The following GNAQ variants were observed in gnomAD, a reference collection of about 807,000 sequenced individuals.
GNAQ encodes the protein guanine nucleotide-binding protein G(q) subunit alpha.
A neutral mutation model predicts 43.9 loss-of-function variants in GNAQ; 8 were observed. The observed-to-expected ratio is 0.18, with a 90% confidence interval of 0.11 to 0.33. The LOEUF (loss-of-function observed/expected upper bound fraction) is 0.33. Ranked by LOEUF, GNAQ falls within the 10% of genes least tolerant of loss-of-function variation. The pLI is 1.00. For synonymous variants in GNAQ, 155 were observed against 170.7 expected, an observed-to-expected ratio of 0.91 and a Z score of 0.71; for missense variants, 158 against 450.8, an observed-to-expected ratio of 0.35 and a Z score of 5.88.
At chr9:77,794,229 A>G (rs1811453935) in intron 5 of GNAQ, among the ~76,000 whole-genome samples, 1 of 152,194 alleles carries the variant, frequency 6.6e-6, no homozygotes, top group African/African-American at 2.4e-5. Context: ...GAACCTCTGC[A>G]TAGTGTTAAA....
chr9:77,972,922 C>T (rs924850171), intron 1 of GNAQ, among the ~76,000 whole-genome samples: 3 of 144,762 alleles, frequency 2.1e-5, no homozygotes, highest in African/African-American at 5.1e-5. Context: ...CATTGTACTC[C>T]AGCCTGGGTG....
intron 3 of GNAQ, among the ~76,000 whole-genome samples, chr9:77,804,856 A>T (rs1046756524): frequency 2.3e-4 from 35 of 152,286 alleles, no homozygotes; most frequent in Non-Finnish European, 5.9e-5. Flanking sequence ...ATTGAAAAGA[A>T]GGTTAGAAAA....
At chr9:78,028,796 C>A (rs1824013658) in intron 1 of GNAQ, among the ~76,000 whole-genome samples, 1 of 152,116 alleles carries the variant, frequency 6.6e-6, no homozygotes, top group African/African-American at 2.4e-5. Context: ...TTGTTGAAAT[C>A]AACCGTCCTG....
chr9:77,910,275 C>T (rs900244908), intron 2 of GNAQ, among the ~76,000 whole-genome samples: 2 of 152,206 alleles, frequency 1.3e-5, no homozygotes, highest in African/African-American at 4.8e-5. Flanking sequence ...TATCCTCCCT[C>T]GACCTCCATT....
chr9:77,796,390 G>A (rs982375086), intron 4 of GNAQ, among the ~76,000 whole-genome samples: 2 of 152,112 alleles, frequency 1.3e-5, no homozygotes, highest in Non-Finnish European at 2.9e-5. Flanking sequence ...TCAATGGGGT[G>A]GGCGCTCCTA....
intron 1 of GNAQ, among the ~76,000 whole-genome samples, chr9:77,939,133 A>C (rs11145622): frequency 6.6e-6 from 1 of 152,112 alleles, no homozygotes; most frequent in Non-Finnish European, 1.5e-5. Context: ...CTGTTCTCCT[A>C]TATCAGGTGT....
chr9:77,847,081 C>A (rs1274334013), intron 2 of GNAQ, among the ~76,000 whole-genome samples: 1 of 152,136 alleles, frequency 6.6e-6, no homozygotes, highest in African/African-American at 2.4e-5. Flanking sequence ...AAGGTGTTTG[C>A]CTTACTAGGA....
At chr9:77,957,448 A>G (rs1376890784) in intron 1 of GNAQ, among the ~76,000 whole-genome samples, 1 of 152,168 alleles carries the variant, frequency 6.6e-6, no homozygotes, top group African/African-American at 2.4e-5. Flanking sequence ...GCTTGCCCCT[A>G]TCCCTGGAGG....
At chr9:77,843,215 C>T (rs1827519939) in intron 2 of GNAQ, among the ~76,000 whole-genome samples, 2 of 152,156 alleles carry the variant, frequency 1.3e-5, no homozygotes, top group South Asian at 2.1e-4. Context: ...CTGCTCCTCC[C>T]TCTGGCCTGC....
At chr9:77,977,911 C>T (rs1428132799) in intron 1 of GNAQ, among the ~76,000 whole-genome samples, 1 of 152,122 alleles carries the variant, frequency 6.6e-6, no homozygotes, top group African/African-American at 2.4e-5. Context: ...TCTTTGGAAA[C>T]CAGAACCCTC....
At chr9:77,972,560 T>C (rs1462246342) in intron 1 of GNAQ, among the ~76,000 whole-genome samples, 1 of 152,038 alleles carries the variant, frequency 6.6e-6, no homozygotes, top group African/African-American at 2.4e-5. Context: ...CAAGATACAA[T>C]TTAAGAAGTC....
At chr9:77,916,635 A>G (rs563727903) in intron 2 of GNAQ, among the ~76,000 whole-genome samples, 4 of 152,294 alleles carry the variant, frequency 2.6e-5, no homozygotes, top group African/African-American at 9.6e-5. Context: ...CCTCCATGCT[A>G]GGCGAAAGGG....
intron 1 of GNAQ, among the ~76,000 whole-genome samples, chr9:77,980,997 C>G (rs536103040): frequency 6.6e-6 from 1 of 152,176 alleles, no homozygotes; most frequent in Non-Finnish European, 1.5e-5. Context: ...TGATTTCTAT[C>G]TGAAAGGATA....
intron 1 of GNAQ, among the ~76,000 whole-genome samples, chr9:77,923,236 T>C (rs561975363): frequency 2.0e-5 from 3 of 152,256 alleles, no homozygotes; most frequent in South Asian, 2.1e-4. Context: ...TGGTGGGAGG[T>C]TGGTTGACTG....
At chr9:78,017,986 T>C (rs1823859905) in intron 1 of GNAQ, among the ~76,000 whole-genome samples, 1 of 152,122 alleles carries the variant, frequency 6.6e-6, no homozygotes, top group Non-Finnish European at 1.5e-5. Flanking sequence ...TATACAATCG[T>C]TTCAGAATAT....
rs112873365 is a variant in GNAQ, at chr9:77,775,049, G to C, written c.735+19414C>G. 5.6e-3 allele frequency among the ~76,000 whole-genome samples: 856 copies of C among 152,114 alleles called. 1 individual carries two copies. Among genetic ancestry groups the C allele is most frequent in the African/African-American group, 0.02 (809 of 41,486 alleles). ...AGATGCATGCTGTACGTGCTGTTTT[G>C]AAATTATTTACATCAATATATCATG... On this transcript the variant is annotated intron_variant, in intron 5 of 6. Coordinates refer to ENST00000286548, the MANE Select transcript of GNAQ (RefSeq NM_002072.5).
intron 5 of GNAQ, among the ~76,000 whole-genome samples, chr9:77,729,572 T>C (rs1825454125): frequency 6.6e-6 from 1 of 152,138 alleles, no homozygotes; most frequent in African/African-American, 2.4e-5. Context: ...TACCATTCTT[T>C]CTCCCATAGA....
chr9:77,893,533 C>T (rs746533167), intron 2 of GNAQ, among the ~76,000 whole-genome samples: 9 of 152,198 alleles, frequency 5.9e-5, no homozygotes, highest in Non-Finnish European at 1.3e-4. Flanking sequence ...AGTTGAGCAG[C>T]CCATGCTGCT....
chr9:77,905,251 G>T (rs1828686223), intron 2 of GNAQ, among the ~76,000 whole-genome samples: 1 of 152,126 alleles, frequency 6.6e-6, no homozygotes, highest in Admixed American at 6.5e-5. Context: ...TATTAGTACT[G>T]CTATTATAGT....
Sources: allele counts gnomAD v4.1 joint callset (sites outside exome capture counted in the v4.1 genomes callset), GRCh38; gene constraint gnomAD v4.1.1; transcripts MANE v1.5; gene names NCBI Gene and HGNC (gene_info 2026-07-23, HGNC 2026-07-21).